The following ANKRD18B variants were observed in gnomAD, a reference collection of about 807,000 sequenced individuals.
ANKRD18B encodes the protein ankyrin repeat domain 18B.
In ANKRD18B, 75 loss-of-function variants were observed where a neutral mutation model predicts 111.8. The ratio of observed to expected loss-of-function variants is 0.67; its 90% CI spans 0.56 to 0.81. ANKRD18B has a LOEUF of 0.81. Ranked by LOEUF, ANKRD18B falls within the 40% of genes least tolerant of loss-of-function variation. ANKRD18B has a pLI of 0.00. For synonymous variants in ANKRD18B, 356 were observed against 417.3 expected (o/e 0.85, Z 1.79); for missense variants, 1,038 against 1,225.5 (o/e 0.85, Z 2.28).
At chr9:33,566,799 G>A (rs946711176) in intron 15 of ANKRD18B, among the ~76,000 whole-genome samples, 1 of 152,048 alleles carries the variant, frequency 6.6e-6, no homozygotes, top group African/African-American at 2.4e-5. Flanking sequence ...TGATACTTTT[G>A]AATTGGTCTT....
rs571793882 is a variant in ANKRD18B at position 33,528,770 on chromosome 9, G to C, written c.250G>C (p.Val84Leu). Reference protein sequence around the residue: ...LACAHGRVQVVTLLLDRKCQI... With the variant: ...LACAHGRVQVLTLLLDRKCQI... The stretch of plus-strand genomic sequence containing the variant: ...CTGTGCCCATGGCCGTGTGCAAGTG[G>C]TCACTCTCTTGCTGGACAGAAAATG... The change falls in exon 2 of 19, where the codon GTC becomes CTC. Residue 84 changes from valine to leucine, a missense_variant. Val to Leu is a conservative substitution (Grantham distance 32). Transcript: ENST00000684830. 7.8e-5 allele frequency: 126 copies of C among 1,613,248 alleles called. No individual in the cohort carries two copies. The highest frequency in any genetic ancestry group is 1.0e-4 in the Non-Finnish European group (122 of 1,179,704).
chr9:33,567,133 C>G lies in ANKRD18B; in HGVS notation c.2773C>G (p.Gln925Glu). 2 of 1,538,222 alleles carry G rather than the reference C, an allele frequency of 1.3e-6. No homozygotes were observed. The highest frequency in any genetic ancestry group is 1.7e-6 in the Non-Finnish European group (2 of 1,143,444). ...AGCAGAATATGAAAAACAATTAGAG[C>G]AGTTAAACAAGGATAATACGGCTTC... ...KQAEYEKQLE[Q>E]LNKDNTASLK... is the part of the protein sequence containing the mutation. The change falls in exon 16 of 19, where the codon CAG becomes GAG. Residue 925 changes from glutamine (Q) to glutamate (E), a missense_variant. By Grantham distance (29) the Gln-to-Glu change is conservative (BLOSUM62 2). Coordinates refer to ENST00000684830, the MANE Select transcript of ANKRD18B (RefSeq NM_001393611.1).
At chr9:33,552,459 C>T (rs2118077583) in intron 12 of ANKRD18B, among the ~76,000 whole-genome samples, 1 of 152,280 alleles carries the variant, frequency 6.6e-6, no homozygotes, top group South Asian at 2.1e-4. Context: ...GGAATTGATT[C>T]AGAAGACTTG....
rs1285567870 is a variant in ANKRD18B at position 33,569,260 on chromosome 9, A to C, written c.3177+367A>C. On this transcript the variant is annotated intron_variant, in intron 17 of 18. Transcript: ENST00000684830. The stretch of plus-strand genomic sequence containing the variant: ...CTGTAGTTTGTCTGTGGTTCATATC[A>C]CTTTTTTTTTTTTTTTTTTTTTGAG... The C allele has an allele frequency of 2.9e-3, 367 of 124,534 alleles. 3 individuals are homozygous for C. The highest frequency in any genetic ancestry group is 0.01 in the African/African-American group (344 of 33,500). The allele number at this position is 124,534 out of a possible 1,614,324, so 7.7% of individuals were successfully genotyped here.
intron 13 of ANKRD18B, among the ~76,000 whole-genome samples, chr9:33,556,463 T>C (rs1273450230): frequency 6.6e-6 from 1 of 152,040 alleles, no homozygotes; most frequent in Admixed American, 6.6e-5. Context: ...GGGGTTTCAC[T>C]ATGTTGGTCA....
chr9:33,550,399 T>G, intron 11 of ANKRD18B, 31 bp from the exon 12 acceptor site: 1 of 1,517,060 alleles, frequency 6.6e-7, no homozygotes, highest in Middle Eastern at 1.7e-4. Context: ...TAAGGCACTT[T>G]ATAAAATTGG....
In ANKRD18B at chr9:33,548,608, T is replaced by C. The variant is rs780324563; in HGVS notation, c.1820T>C (p.Ile607Thr). 2.3e-5 allele frequency: 36 copies of C among 1,551,166 alleles called. No homozygotes were observed. The highest frequency in any genetic ancestry group is 1.1e-4 in the African/African-American group (8 of 72,964). ...GGGGAAGCTAAAGAAAGTCAATCCA[T>C]TGGAAAGCAGAACTCTTCAGAGGAG... The part of the protein sequence containing the change: ...PNGEAKESQS[I>T]GKQNSSEERI... Residue 607 changes from isoleucine to threonine, a missense_variant, in exon 11 of 19, where the codon ATT becomes ACT. By Grantham distance (89) the Ile-to-Thr change is moderately conservative (BLOSUM62 -1). Coordinates refer to ENST00000684830, the MANE Select transcript of ANKRD18B (RefSeq NM_001393611.1).
intron 1 of ANKRD18B, among the ~76,000 whole-genome samples, chr9:33,526,336 A>G (rs1821848307): frequency 6.6e-6 from 1 of 152,190 alleles, no homozygotes; most frequent in South Asian, 2.1e-4. Flanking sequence ...TGAAGGTGGC[A>G]ATAGGTGGAG....
chr9:33,534,937 A>G (rs1295872834), intron 5 of ANKRD18B, among the ~76,000 whole-genome samples: 6 of 148,738 alleles, frequency 4.0e-5, no homozygotes, highest in African/African-American at 1.5e-4. Flanking sequence ...GCCTGGCCTG[A>G]CTTTTCTAAT....
chr9:33,563,796 A>G (rs1354345764), intron 14 of ANKRD18B, among the ~76,000 whole-genome samples: 1 of 151,896 alleles, frequency 6.6e-6, no homozygotes, highest in Non-Finnish European at 1.5e-5. Flanking sequence ...GTGAACATTC[A>G]AAATCTTCTA....
chr9:33,538,692 A>G (rs1828236078), intron 6 of ANKRD18B, among the ~76,000 whole-genome samples: 1 of 152,058 alleles, frequency 6.6e-6, no homozygotes, highest in Non-Finnish European at 1.5e-5. Flanking sequence ...ACCGGAATGC[A>G]CCACTGCACT....
downstream of ANKRD18B, chr9:33,573,102 T>G (rs1828807676): frequency 8.6e-7 from 1 of 1,159,542 alleles, no homozygotes; most frequent in Non-Finnish European, 1.1e-6. Flanking sequence ...CCCATTACTC[T>G]GTCAGCACTT....
At chr9:33,561,485 C>G (rs1828605740) in intron 14 of ANKRD18B, among the ~76,000 whole-genome samples, 1 of 152,158 alleles carries the variant, frequency 6.6e-6, no homozygotes, top group Non-Finnish European at 1.5e-5. Flanking sequence ...TACTCAGTGT[C>G]TTACCTTTTC....
intron 4 of ANKRD18B, 91 bp from the exon 5 acceptor site, chr9:33,534,279 G>A (rs1034151325): frequency 1.5e-5 from 22 of 1,444,032 alleles, no homozygotes; most frequent in Non-Finnish European, 2.0e-5. Context: ...ATCCTGACAG[G>A]CAAGATATGA....
intron 14 of ANKRD18B, among the ~76,000 whole-genome samples, chr9:33,563,069 G>A (rs1311854145): frequency 6.6e-6 from 1 of 152,248 alleles, no homozygotes; most frequent in East Asian, 1.9e-4. Context: ...TTTAGGAAAA[G>A]TTCCTCCTCA....
chr9:33,561,376 A>C (rs1399564112), intron 14 of ANKRD18B, among the ~76,000 whole-genome samples: 1 of 152,166 alleles, frequency 6.6e-6, no homozygotes, highest in African/African-American at 2.4e-5. Flanking sequence ...CCCATTTGTT[A>C]AATTGGGTTA....
rs1339036139 is a variant in ANKRD18B, at chr9:33,548,197, C to A, written c.1409C>A (p.Ala470Glu). 1.3e-6 allele frequency: 2 copies of A among 1,549,588 alleles called. No homozygotes were observed. Residue 470 changes from alanine to glutamate, a missense_variant, in exon 11 of 19, where the codon GCA becomes GAA. Physicochemically the swap from Ala to Glu is moderately radical, Grantham distance 107. Coordinates refer to ENST00000684830, the MANE Select transcript of ANKRD18B (RefSeq NM_001393611.1). ...CTTAATGATCTGAAAGCTGAGAATG[C>A]AAGGCTGAATTCAAAATTGGAGAAG... ...QQLNDLKAEN[A>E]RLNSKLEKEK...
At chr9:33,544,062 A>G (rs2118040220) in intron 10 of ANKRD18B, among the ~76,000 whole-genome samples, 1 of 152,342 alleles carries the variant, frequency 6.6e-6, no homozygotes, top group South Asian at 2.1e-4. Context: ...TCCTAGAAAT[A>G]TGAATTCACT....
At position 33,572,544 on chromosome 9, in the gene ANKRD18B, A is replaced by G; in HGVS notation, c.*110A>G. 7.5e-7 allele frequency: 1 copy of G among 1,339,714 alleles called. No individual in the cohort carries two copies. 83.0% of individuals were successfully genotyped at this position (1,339,714 alleles called of 1,614,324 possible). A position where few individuals can be genotyped will look rare whatever the true frequency, so the allele number is the denominator to read the frequency against. Reference sequence around the variant, plus strand: ...AAGTAGAATATTTTCATATCATATGATGTATATTTATATGTTATTTTAAAT... The same window carrying G: ...AAGTAGAATATTTTCATATCATATGGTGTATATTTATATGTTATTTTAAAT... On this transcript the variant is annotated 3_prime_UTR_variant, in exon 19 of 19. Transcript: ENST00000684830.
Sources: allele counts gnomAD v4.1 joint callset (sites outside exome capture counted in the v4.1 genomes callset), GRCh38; gene constraint gnomAD v4.1.1; transcripts MANE v1.5; gene names NCBI Gene and HGNC (gene_info 2026-07-23, HGNC 2026-07-21).